KANSL1: variants seen among roughly 807,000 people sequenced by gnomAD.
The protein encoded by KANSL1 is MLL1/MLL complex subunit KANSL1.
Under a neutral mutation model 103.6 loss-of-function variants are expected in KANSL1, and 22 were observed. The ratio of observed to expected loss-of-function variants is 0.21; its 90% CI spans 0.15 to 0.30. The LOEUF (loss-of-function observed/expected upper bound fraction) is 0.30, where lower values mean the gene tolerates loss of function less well. Among genes scored for constraint, KANSL1 ranks in the 10% least tolerant of loss-of-function variants. The probability of loss-of-function intolerance (pLI) is 1.00; values close to 1 mark genes in which losing one functional copy is unlikely to be tolerated. For synonymous variants in KANSL1, 600 were observed against 527.6 expected, an observed-to-expected ratio of 1.14 and a Z score of -1.88; for missense variants, 1,337 against 1,399.8, an observed-to-expected ratio of 0.96 and a Z score of 0.72.
intron 2 of KANSL1, among the ~76,000 whole-genome samples, chr17:46,096,311 C>CTTTTTTTTTTTTTTTTTCTT (rs2042071203): frequency 4.2e-4 from 32 of 76,400 alleles, no homozygotes; most frequent in East Asian, 3.9e-3. Context: ...GCTTTTTTTT[C>CTTTTTTTTTTTTTTTTTCTT]TTTTTTTTTT....
intron 2 of KANSL1, among the ~76,000 whole-genome samples, chr17:46,110,979 A>C (rs1432115858): frequency 1.3e-5 from 2 of 152,234 alleles, no homozygotes; most frequent in African/African-American, 4.8e-5. Context: ...AGAACATAAA[A>C]ATAATTAAAA....
intron 6 of KANSL1, among the ~76,000 whole-genome samples, chr17:46,052,674 G>A (rs2077751994): frequency 6.6e-6 from 1 of 151,254 alleles, no homozygotes; most frequent in Admixed American, 6.6e-5. Context: ...GCTAGGCGTG[G>A]TGGCTCACAA....
At chr17:46,048,155 G>A (rs1024335878) in intron 7 of KANSL1, among the ~76,000 whole-genome samples, 6 of 151,972 alleles carry the variant, frequency 3.9e-5, no homozygotes, top group South Asian at 2.1e-4. Context: ...TGATGAACCC[G>A]CCACGGCCTC....
intron 2 of KANSL1, among the ~76,000 whole-genome samples, chr17:46,103,888 C>T (rs1244218699): frequency 2.0e-5 from 3 of 152,128 alleles, no homozygotes; most frequent in African/African-American, 4.8e-5. Flanking sequence ...ATTGGCCAGG[C>T]GTGGTGGCCT....
chr17:46,064,872 T>A (rs1383454066), intron 6 of KANSL1, among the ~76,000 whole-genome samples: 4 of 152,058 alleles, frequency 2.6e-5, no homozygotes, highest in Non-Finnish European at 4.4e-5. Context: ...GGATTTTTTT[T>A]AATTAATTAA....
intron 2 of KANSL1, among the ~76,000 whole-genome samples, chr17:46,126,118 G>C (rs2043545210): frequency 6.6e-6 from 1 of 151,772 alleles, no homozygotes; most frequent in Admixed American, 6.6e-5. Context: ...AAGTCGGCCG[G>C]GCACAGTGTA....
chr17:46,038,909 C>T, intron 9 of KANSL1, 118 bp downstream of exon 9: 2 of 1,330,320 alleles, frequency 1.5e-6, no homozygotes, highest in Non-Finnish European at 2.1e-6. Context: ...CGTCCCTCTA[C>T]TCTGCTTTCC....
At chr17:46,083,483 T>C (rs1338696113) in intron 3 of KANSL1, among the ~76,000 whole-genome samples, 2 of 152,024 alleles carry the variant, frequency 1.3e-5, no homozygotes, top group Non-Finnish European at 2.9e-5. Context: ...CAACATCTAC[T>C]CAGTACCTCT....
chr17:46,056,252 G>A (rs539239674), intron 6 of KANSL1, among the ~76,000 whole-genome samples: 1 of 152,148 alleles, frequency 6.6e-6, no homozygotes, highest in East Asian at 1.9e-4. Flanking sequence ...ACCCACCTTG[G>A]CCTCCCAAAG....
At chr17:46,047,756 C>A (rs545726576) in intron 7 of KANSL1, among the ~76,000 whole-genome samples, 1 of 150,246 alleles carries the variant, frequency 6.7e-6, no homozygotes, top group East Asian at 2.0e-4. Flanking sequence ...CCACTGAACT[C>A]CAGCTTAGGG....
At position 46,033,087 on chromosome 17, in the gene KANSL1, CCCG is replaced by C. The variant is rs2077054447; in HGVS notation, c.2827_2829del (p.Arg943del). ...CCAAGCCTGCCCCATCACCTGCTGC[CCCG>C]CCGCTGGGGTGGCACACTCGTGGTC... On this transcript the variant is annotated inframe_deletion, in exon 13 of 15. Transcript: ENST00000432791. 1.3e-6 allele frequency: 2 copies of C among 1,579,400 alleles called. No individual in the cohort carries two copies. The highest frequency in any genetic ancestry group is 2.7e-5 in the African/African-American group (2 of 74,082).
intron 1 of KANSL1, among the ~76,000 whole-genome samples, chr17:46,186,914 T>C (rs1311111470): frequency 2.0e-5 from 3 of 151,310 alleles, no homozygotes; most frequent in East Asian, 3.9e-4. Flanking sequence ...TTTTTTTTTT[T>C]AGTAGAGACA....
chr17:46,036,747 T>C (rs968538262), intron 10 of KANSL1, among the ~76,000 whole-genome samples: 3 of 151,358 alleles, frequency 2.0e-5, no homozygotes, highest in Non-Finnish European at 4.4e-5. Flanking sequence ...TGAGACGAAG[T>C]CTTGCTGCGA....
chr17:46,199,343 T>A (rs2047719107), intron 1 of KANSL1, among the ~76,000 whole-genome samples: 1 of 152,230 alleles, frequency 6.6e-6, no homozygotes, highest in East Asian at 1.9e-4. Flanking sequence ...TATTTCACAG[T>A]GTCACAAGTA....
chr17:46,143,803 C>CAAAAAAAAAAAAAAAAAAAAAAAAA (rs57361021), intron 2 of KANSL1, among the ~76,000 whole-genome samples: 6 of 85,536 alleles, frequency 7.0e-5, no homozygotes, highest in Non-Finnish European at 1.2e-4. Context: ...GACTCCATCT[C>CAAAAAAAAAAAAAAAAAAAAAAAAA]AAAAAAAAAA....
chr17:46,059,942 G>C (rs372570086), intron 6 of KANSL1, among the ~76,000 whole-genome samples: 1 of 151,984 alleles, frequency 6.6e-6, no homozygotes, highest in Non-Finnish European at 1.5e-5. Flanking sequence ...TGGGGGAGGG[G>C]AGGGGGACAA....
chr17:46,084,238 C>T (rs1034770472), intron 3 of KANSL1, among the ~76,000 whole-genome samples: 1 of 152,000 alleles, frequency 6.6e-6, no homozygotes, highest in Non-Finnish European at 1.5e-5. Flanking sequence ...AAAAATTGCC[C>T]AGGCGTCGTG....
chr17:46,196,195 G>A, upstream of KANSL1: 1 of 403,648 alleles, frequency 2.5e-6, no homozygotes, highest in Non-Finnish European at 4.9e-6. Flanking sequence ...TCATGATCAT[G>A]CCATTGTAGT....
chr17:46,189,185 C>T (rs570266198), intron 1 of KANSL1, among the ~76,000 whole-genome samples: 5 of 151,992 alleles, frequency 3.3e-5, no homozygotes, highest in Admixed American at 3.3e-4. Flanking sequence ...TACATCTGTG[C>T]ACGCCAACCT....
Sources: allele counts gnomAD v4.1 joint callset (sites outside exome capture counted in the v4.1 genomes callset), GRCh38; gene constraint gnomAD v4.1.1; transcripts MANE v1.5; gene names NCBI Gene and HGNC (gene_info 2026-07-23, HGNC 2026-07-21).